CATSPER1: variants seen among roughly 807,000 people sequenced by gnomAD.
CATSPER1 encodes cation channel sperm associated 1, also known as cation channel sperm-associated protein 1.
CATSPER1 carries 57 observed loss-of-function variants against 72.7 expected under a neutral mutation model. The ratio of observed to expected loss-of-function variants is 0.78; its 90% CI spans 0.63 to 0.98. The LOEUF is 0.98. Among genes scored for constraint, CATSPER1 ranks in the 50% least tolerant of loss-of-function variants. The pLI, the probability that CATSPER1 is intolerant of heterozygous loss-of-function variation, is 0.00. For synonymous variants in CATSPER1, 363 were observed against 403.0 expected (o/e 0.90, Z 1.19); for missense variants, 910 against 1,033.9 (o/e 0.88, Z 1.64).
intron 11 of CATSPER1, 40 bp from the exon 12 acceptor site, chr11:66,016,956 G>T (rs1173471835): frequency 1.2e-6 from 2 of 1,614,046 alleles, no homozygotes; most frequent in Non-Finnish European, 1.7e-6. Flanking sequence ...GAATGAGCCA[G>T]ACTTTGCCTT....
chr11:66,020,195 G>T lies in CATSPER1; in HGVS notation c.2070C>A (p.Ala690=). Residue 690 remains alanine, a synonymous_variant, in exon 9 of 12, where the codon GCC becomes GCA. Coordinates refer to ENST00000312106, the MANE Select transcript of CATSPER1 (RefSeq NM_053054.4). The surrounding 1 kb of genome is among the most constrained non-coding windows in gnomAD (Gnocchi z 4.5). ...CCAGCAGCTTCTCTTGGATCCGGGC[G>T]GCCCTCTGGGAAGAAGAGGCCTCAG... The part of the protein sequence containing the change: ...KGLEKAKQER[A]ARIQEKLLED... 6.2e-7 allele frequency: 1 copy of T among 1,613,590 alleles called. No individual in the cohort carries two copies. The highest frequency in any genetic ancestry group is 8.5e-7 in the Non-Finnish European group (1 of 1,179,958).
At position 66,025,589 on chromosome 11, in the gene CATSPER1, T is replaced by C. The variant is rs926128299; in HGVS notation, c.791A>G (p.His264Arg). 11 of 1,608,778 alleles carry C rather than the reference T, an allele frequency of 6.8e-6. No homozygotes were observed. The highest frequency in any genetic ancestry group is 1.3e-5 in the African/African-American group (1 of 74,594). Residue 264 changes from histidine to arginine, a missense_variant, in exon 1 of 12, where the codon CAC becomes CGC. His to Arg is a conservative substitution (Grantham distance 29). Coordinates refer to ENST00000312106, the MANE Select transcript of CATSPER1 (RefSeq NM_053054.4). ...GTGATCACCTTGGTGGTACTCGCTG[T>C]GATAGTCAGATATCCCACGCTGGTA... The part of the protein sequence containing the change: ...GSYQRGISDY[H>R]SEYHQGDHHP...
At chr11:66,017,961 G>A (rs898176573) in intron 10 of CATSPER1, among the ~76,000 whole-genome samples, 1 of 152,206 alleles carries the variant, frequency 6.6e-6, no homozygotes, top group East Asian at 1.9e-4. Flanking sequence ...CACTTTGGGA[G>A]GTCAAGGCAG....
chr11:66,021,663 G>C lies in CATSPER1; in HGVS notation c.1544-20C>G. ...AGAAGTCTGAGGGCACGGGGTGCCT[G>C]AGCCTGGCGGGCTCCCAACGCCAGC... On this transcript the variant is annotated intron_variant, in intron 3 of 11. Coordinates refer to ENST00000312106, the MANE Select transcript of CATSPER1 (RefSeq NM_053054.4). 6.2e-7 allele frequency: 1 copy of C among 1,607,038 alleles called. No individual in the cohort carries two copies. Among genetic ancestry groups the C allele is most frequent in the Non-Finnish European group, 8.5e-7 (1 of 1,176,600 alleles).
At chr11:66,017,641 CCCA>C (rs1177942356) in intron 10 of CATSPER1, among the ~76,000 whole-genome samples, 1 of 151,982 alleles carries the variant, frequency 6.6e-6, no homozygotes, top group African/African-American at 2.4e-5. Flanking sequence ...CACTCATCTG[CCCA>C]CCACATTACC....
chr11:66,019,613 G>C (rs1279912826), intron 9 of CATSPER1, among the ~76,000 whole-genome samples: 3 of 152,022 alleles, frequency 2.0e-5, no homozygotes, highest in African/African-American at 4.8e-5. Context: ...AGCACAGTCA[G>C]GTGTTGTGGC....
At position 66,020,198 on chromosome 11, in the gene CATSPER1, C is replaced by A; in HGVS notation, c.2067G>T (p.Arg689Ser). 6.2e-7 allele frequency: 1 copy of A among 1,613,864 alleles called. No individual in the cohort carries two copies. Among genetic ancestry groups the A allele is most frequent in the Non-Finnish European group, 8.5e-7 (1 of 1,180,026 alleles). Reference protein sequence around the residue: ...FKGLEKAKQERAARIQEKLLE... With the variant: ...FKGLEKAKQESAARIQEKLLE... ...GCAGCTTCTCTTGGATCCGGGCGGC[C>A]CTCTGGGAAGAAGAGGCCTCAGATC... Residue 689 changes from arginine to serine, a missense_variant and splice_region_variant, in exon 9 of 12, where the codon AGG (arginine) becomes AGT (serine). Physicochemically the swap from Arg to Ser is moderately radical, Grantham distance 110 (BLOSUM62 -1). Transcript: ENST00000312106. The surrounding 1 kb of genome is among the most constrained non-coding windows in gnomAD (Gnocchi z 4.5).
rs371509364 is a variant in CATSPER1 at position 66,018,875 on chromosome 11, G to A, written c.2153C>T (p.Thr718Ile). 4.3e-6 allele frequency: 7 copies of A among 1,613,882 alleles called. No individual in the cohort carries two copies. The highest frequency in any genetic ancestry group is 1.7e-4 in the Middle Eastern group (1 of 6,006). Residue 718 changes from threonine (T) to isoleucine (I), a missense_variant, in exon 10 of 12, where the codon ACC becomes ATC. Thr to Ile is a moderately conservative substitution (Grantham distance 89). Coordinates refer to ENST00000312106, the MANE Select transcript of CATSPER1 (RefSeq NM_053054.4). ...TTTCTCGATGAGCCGCTTCAGCATG[G>A]TGCCTTCACTCGCCACCTCTTTGGG... Reference protein sequence around the residue: ...AEPKEVASEGTMLKRLIEKKF... With the variant: ...AEPKEVASEGIMLKRLIEKKF...
chr11:66,025,740 G>A lies in CATSPER1; in HGVS notation c.640C>T (p.His214Tyr), dbSNP rs758815442. The A allele has an allele frequency of 1.2e-6, 2 of 1,613,838 alleles. No homozygotes were observed. Among genetic ancestry groups the A allele is most frequent in the African/African-American group, 1.3e-5 (1 of 74,840 alleles). The change falls in exon 1 of 12, where the codon CAC (histidine) becomes TAC (tyrosine). Residue 214 changes from histidine (H) to tyrosine (Y), a missense_variant. Transcript: ENST00000312106. ...HDESQHHQVP[H>Y]RGWPHHHQVH... ...TGGTGATGGTGGGGCCAGCCACGGT[G>A]GGGGACTTGGTGATGCTGGGACTCA...
chr11:66,017,194 T>TGGGGGGGGGGGGCCC lies in CATSPER1; in HGVS notation c.2202-21_2202-20insGGGCCCCCCCCCCCC. ...TGCTGCCTGCGGGTGGGCGGGGGGG[T>TGGGGGGGGGGGGCCC]CGCAGAGACAGGGGCTGGGCTGACC... On this transcript the variant is annotated intron_variant, in intron 10 of 11. Coordinates refer to ENST00000312106, the MANE Select transcript of CATSPER1 (RefSeq NM_053054.4). 1.8e-6 allele frequency: 1 copy of TGGGGGGGGGGGGCCC among 550,278 alleles called. No homozygotes were observed. The highest frequency in any genetic ancestry group is 1.5e-5 in the South Asian group (1 of 65,880). 34.1% of individuals were successfully genotyped at this position (550,278 alleles called of 1,614,324 possible). A position where few individuals can be genotyped will look rare whatever the true frequency, so the allele number is the denominator to read the frequency against.
rs1399744730 is a variant in CATSPER1 at position 66,017,162 on chromosome 11, G to A, written c.2214C>T (p.Leu738=). The part of the protein sequence containing the change: ...FGTMTEKQQE[L]LFHYLQLVAS... ...CCACCAGCTGCAGGTAATGGAACAG[G>A]AGCTCCTGCTGCCTGCGGGTGGGCG... is the stretch of plus-strand genomic sequence containing the variant. Residue 738 remains leucine, a synonymous_variant, in exon 11 of 12, where the codon CTC becomes CTT. Transcript: ENST00000312106. 6.7e-7 allele frequency: 1 copy of A among 1,483,940 alleles called. No homozygotes were observed. Among genetic ancestry groups the A allele is most frequent in the East Asian group, 2.5e-5 (1 of 40,708 alleles). 91.9% of individuals were successfully genotyped at this position (1,483,940 alleles called of 1,614,324 possible). A position where few individuals can be genotyped will look rare whatever the true frequency, so the allele number is the denominator to read the frequency against.
intron 10 of CATSPER1, among the ~76,000 whole-genome samples, chr11:66,017,911 G>C (rs1213760334): frequency 6.6e-6 from 1 of 152,168 alleles, no homozygotes; most frequent in African/African-American, 2.4e-5. Flanking sequence ...TGAAAGATAA[G>C]TGAGAGCCCA....
chr11:66,016,982 G>A (rs1051704661), intron 11 of CATSPER1, 66 bp from the exon 12 acceptor site: 18 of 1,612,994 alleles, frequency 1.1e-5, no homozygotes, highest in Non-Finnish European at 1.5e-5. Context: ...ATCCCCATGG[G>A]AGTTACTTGG....
chr11:66,017,194 T>TGGGGGGGGGGGGGGGGGGGGGCA lies in CATSPER1; in HGVS notation c.2202-21_2202-20insTGCCCCCCCCCCCCCCCCCCCCC. 2 of 550,276 alleles carry TGGGGGGGGGGGGGGGGGGGGGCA rather than the reference T, an allele frequency of 3.6e-6. No individual in the cohort carries two copies. Among genetic ancestry groups the TGGGGGGGGGGGGGGGGGGGGGCA allele is most frequent in the Non-Finnish European group, 6.8e-6 (2 of 295,848 alleles). 34.1% of individuals were successfully genotyped at this position (550,276 alleles called of 1,614,324 possible). A position where few individuals can be genotyped will look rare whatever the true frequency, so the allele number is the denominator to read the frequency against. On this transcript the variant is annotated intron_variant, in intron 10 of 11. Coordinates refer to ENST00000312106, the MANE Select transcript of CATSPER1 (RefSeq NM_053054.4). ...TGCTGCCTGCGGGTGGGCGGGGGGG[T>TGGGGGGGGGGGGGGGGGGGGGCA]CGCAGAGACAGGGGCTGGGCTGACC... is the stretch of plus-strand genomic sequence containing the variant.
At position 66,020,108 on chromosome 11, in the gene CATSPER1, G is replaced by A. The variant is rs1195210388; in HGVS notation, c.2125+32C>T. ...AGAGACTGGCCCCCACTGCGGACGG[G>A]CAGGTGGGGCCAGGGCGGGCCAGGC... On this transcript the variant is annotated intron_variant, in intron 9 of 11. Transcript: ENST00000312106. This position sits in a 1 kb window ranked among gnomAD's most constrained non-coding sequence, Gnocchi z 4.5. 1 of 1,610,272 alleles carries A rather than the reference G, an allele frequency of 6.2e-7. No individual in the cohort carries two copies. The highest frequency in any genetic ancestry group is 8.5e-7 in the Non-Finnish European group (1 of 1,177,680).
intron 4 of CATSPER1, 36 bp downstream of exon 4, chr11:66,021,460 G>A: frequency 6.2e-7 from 1 of 1,608,346 alleles, no homozygotes; most frequent in Non-Finnish European, 8.5e-7. Context: ...TCTTCCTTTG[G>A]AGTCCCCACC....
At chr11:66,017,581 T>C (rs868745535) in intron 10 of CATSPER1, among the ~76,000 whole-genome samples, 20 of 125,572 alleles carry the variant, frequency 1.6e-4, no homozygotes, top group South Asian at 2.8e-4. Context: ...CACCCACCCA[T>C]TGACACCTTC....
chr11:66,017,431 C>T (rs971973042), intron 10 of CATSPER1, among the ~76,000 whole-genome samples: 1 of 151,828 alleles, frequency 6.6e-6, no homozygotes, highest in Non-Finnish European at 1.5e-5. Context: ...TTGTCAGCCC[C>T]ATTCCTCCCC....
chr11:66,022,466 C>T (rs879298696), intron 2 of CATSPER1, among the ~76,000 whole-genome samples: 4 of 152,266 alleles, frequency 2.6e-5, no homozygotes, highest in African/African-American at 4.8e-5. Flanking sequence ...GTCCTTCACC[C>T]TGCTCCACGG....
Sources: gnomAD v4.1 joint callset for allele counts (sites outside exome capture counted in the v4.1 genomes callset) on GRCh38, gnomAD v4.1.1 for gene constraint, Gnocchi (gnomAD v3.1) non-coding constraint, MANE v1.5 for transcripts, NCBI Gene and HGNC (gene_info 2026-07-23, HGNC 2026-07-21) for gene names.